PTPN2: variants seen among roughly 807,000 people sequenced by gnomAD.
The protein encoded by PTPN2 is tyrosine-protein phosphatase non-receptor type 2.
PTPN2 carries 19 observed loss-of-function variants against 57.3 expected under a neutral mutation model. The observed-to-expected ratio is 0.33, with a 90% CI of 0.23 to 0.49. The LOEUF is 0.49. PTPN2 is among the 20% of genes least tolerant of loss of function. The pLI is 0.99. For synonymous variants in PTPN2, 153 were observed against 164.9 expected, an observed-to-expected ratio of 0.93 and a Z score of 0.55; for missense variants, 358 against 501.1, an observed-to-expected ratio of 0.71 and a Z score of 2.73.
intron 8 of PTPN2, among the ~76,000 whole-genome samples, chr18:12,795,311 G>C (rs796444448): frequency 3.2e-4 from 49 of 152,210 alleles, no homozygotes; most frequent in African/African-American, 1.1e-3. Flanking sequence ...GGGAGGCGGG[G>C]TGGATGGAGT....
intron 1 of PTPN2, among the ~76,000 whole-genome samples, chr18:12,882,353 G>A (rs1308211524): frequency 6.6e-6 from 1 of 152,140 alleles, no homozygotes; most frequent in Non-Finnish European, 1.5e-5. Context: ...TTATCTTTTT[G>A]AAAATGCATG....
intron 8 of PTPN2, among the ~76,000 whole-genome samples, chr18:12,801,490 A>AG (rs1413597604): frequency 3.9e-5 from 6 of 152,088 alleles, no homozygotes; most frequent in Non-Finnish European, 5.9e-5. Flanking sequence ...TGGGTGACAG[A>AG]GAAAAAAAAA....
rs1555668906 is a variant in PTPN2, at chr18:12,827,355, AAAT to A, written c.361-1414_361-1412del. ...GAGACTCCGTCTCAAAAAAAAAAAA[AAAT>A]AATAATAATAATAATGCCTTAAGAG... On this transcript the variant is annotated intron_variant, in intron 4 of 8. Coordinates refer to ENST00000309660, the MANE Select transcript of PTPN2 (RefSeq NM_002828.4). 2.2e-3 allele frequency among the ~76,000 whole-genome samples: 313 copies of A among 143,342 alleles called. 3 individuals carry two copies. Among genetic ancestry groups the A allele is most frequent in the Non-Finnish European group, 3.0e-3 (200 of 66,750 alleles). The allele number at this position is 143,342 out of a possible 152,430, so 94.0% of individuals were successfully genotyped here. A position where few individuals can be genotyped will look rare whatever the true frequency, so the allele number is the denominator to read the frequency against.
intron 1 of PTPN2, among the ~76,000 whole-genome samples, chr18:12,877,200 G>T (rs2044518610): frequency 6.6e-6 from 1 of 152,088 alleles, no homozygotes; most frequent in African/African-American, 2.4e-5. Context: ...ACATGTTTCA[G>T]GTCCCGTAGG....
At chr18:12,814,739 C>T (rs992493263) in intron 6 of PTPN2, among the ~76,000 whole-genome samples, 3 of 151,824 alleles carry the variant, frequency 2.0e-5, no homozygotes, top group Middle Eastern at 3.4e-3. Context: ...ATTCCCCTTC[C>T]GCCTCCTTCA....
intron 1 of PTPN2, among the ~76,000 whole-genome samples, chr18:12,873,563 T>G (rs1183368454): frequency 1.3e-5 from 2 of 152,248 alleles, no homozygotes; most frequent in African/African-American, 4.8e-5. Flanking sequence ...GTGCCGGGAT[T>G]GCAGACGGTG....
At chr18:12,872,533 CTTTGT>C (rs2044303755) in intron 1 of PTPN2, among the ~76,000 whole-genome samples, 1 of 152,200 alleles carries the variant, frequency 6.6e-6, no homozygotes, top group African/African-American at 2.4e-5. Context: ...GAGCCAGTTT[CTTTGT>C]TTTGAGACAA....
chr18:12,823,945 A>T (rs1196859649), intron 5 of PTPN2, among the ~76,000 whole-genome samples: 2 of 152,192 alleles, frequency 1.3e-5, no homozygotes, highest in Non-Finnish European at 2.9e-5. Context: ...CTCAATAAGG[A>T]CTGTTTCAGA....
At chr18:12,855,934 T>G (rs1391812777) in intron 2 of PTPN2, among the ~76,000 whole-genome samples, 1 of 152,236 alleles carries the variant, frequency 6.6e-6, no homozygotes, top group African/African-American at 2.4e-5. Flanking sequence ...CATTTCCAAC[T>G]TCACAATACA....
intron 2 of PTPN2, among the ~76,000 whole-genome samples, chr18:12,848,244 T>C (rs2043279121): frequency 6.6e-6 from 1 of 152,240 alleles, no homozygotes; most frequent in African/African-American, 2.4e-5. Context: ...TCTATCATCT[T>C]ATAATTCTAA....
intron 1 of PTPN2, among the ~76,000 whole-genome samples, chr18:12,865,688 G>C (rs185276317): frequency 1.1e-3 from 172 of 151,824 alleles, no homozygotes; most frequent in Middle Eastern, 3.4e-3. Context: ...TGAGCTGGGC[G>C]TCATGGCATG....
chr18:12,884,056 G>C lies in PTPN2; in HGVS notation c.69+17C>G, dbSNP rs776889402. 1.3e-6 allele frequency: 2 copies of C among 1,562,852 alleles called. No individual in the cohort carries two copies. Among genetic ancestry groups the C allele is most frequent in the Non-Finnish European group, 1.7e-6 (2 of 1,155,468 alleles). ...CTCGGAGGAGGTCGGCGACTGCCGC[G>C]TGGGTCCGCGACTCACCAAGTACAG... On this transcript the variant is annotated intron_variant, in intron 1 of 8. Transcript: ENST00000309660.
chr18:12,799,211 G>GT (rs769510907), intron 8 of PTPN2, among the ~76,000 whole-genome samples: 22 of 152,148 alleles, frequency 1.4e-4, no homozygotes, highest in Non-Finnish European at 2.8e-4. Flanking sequence ...AAGGTCAGGA[G>GT]TTCGAGACCA....
intron 8 of PTPN2, among the ~76,000 whole-genome samples, chr18:12,799,211 G>A (rs1014200800): frequency 6.6e-6 from 1 of 152,148 alleles, no homozygotes; most frequent in Non-Finnish European, 1.5e-5. Flanking sequence ...AAGGTCAGGA[G>A]TTCGAGACCA....
At position 12,820,066 on chromosome 18, in the gene PTPN2, A is replaced by G. The variant is rs1262663604; in HGVS notation, c.496-2701T>C. The stretch of plus-strand genomic sequence containing the variant: ...CAAGTCCTGGCTCAAACATATGGTT[A>G]CCCCACAATCTTGGGCAACAGCTTG... On this transcript the variant is annotated intron_variant, in intron 5 of 8. Coordinates refer to ENST00000309660, the MANE Select transcript of PTPN2 (RefSeq NM_002828.4). Among the ~76,000 whole-genome samples, 3 of 152,200 alleles carry G rather than the reference A, an allele frequency of 2.0e-5. No individual in the cohort carries two copies. The East Asian group carries it at 5.8e-4, about 29-fold the overall frequency.
At chr18:12,881,967 C>T (rs777009488) in intron 1 of PTPN2, among the ~76,000 whole-genome samples, 5 of 152,166 alleles carry the variant, frequency 3.3e-5, no homozygotes, top group Non-Finnish European at 7.3e-5. Context: ...AAATATGGAA[C>T]TACAATGAGG....
chr18:12,860,133 C>T (rs1335990753), intron 1 of PTPN2, among the ~76,000 whole-genome samples: 1 of 151,774 alleles, frequency 6.6e-6, no homozygotes, highest in Admixed American at 6.6e-5. Context: ...ACTAAATATA[C>T]AAAAAATCAG....
intron 5 of PTPN2, among the ~76,000 whole-genome samples, chr18:12,823,866 C>G (rs931873113): frequency 1.3e-4 from 20 of 152,266 alleles, no homozygotes; most frequent in African/African-American, 4.6e-4. Flanking sequence ...TATGTGAAAG[C>G]ATTTTGGAAT....
chr18:12,830,877 T>G lies in PTPN2; in HGVS notation c.360+66A>C, dbSNP rs1012927375. The G allele has an allele frequency of 5.6e-6, 7 of 1,246,826 alleles. No homozygotes were observed. In the East Asian group the frequency reaches 1.7e-4, roughly 31 times the overall value. 77.2% of individuals were successfully genotyped at this position (1,246,826 alleles called of 1,614,324 possible). On this transcript the variant is annotated intron_variant, in intron 4 of 8. Transcript: ENST00000309660. Reference sequence around the variant, plus strand: ...TAAGGAATGAATATTGGCCCCAAAATGAAAATCTTTATATGCTAATGATCA... The same window carrying G: ...TAAGGAATGAATATTGGCCCCAAAAGGAAAATCTTTATATGCTAATGATCA...
Sources: allele counts gnomAD v4.1 joint callset (sites outside exome capture counted in the v4.1 genomes callset), GRCh38; gene constraint gnomAD v4.1.1; transcripts MANE v1.5; gene names NCBI Gene and HGNC (gene_info 2026-07-23, HGNC 2026-07-21).